STK32B: variants seen among roughly 807,000 people sequenced by gnomAD.
The protein encoded by STK32B is serine/threonine kinase 32B.
Under a neutral mutation model 52.6 loss-of-function variants are expected in STK32B, and 43 were observed. The observed-to-expected ratio is 0.82, with a 90% CI of 0.64 to 1.05. The LOEUF (loss-of-function observed/expected upper bound fraction) is 1.05. STK32B is among the 50% of genes least tolerant of loss of function. STK32B has a pLI of 0.00. For synonymous variants in STK32B, 238 were observed against 204.3 expected, an observed-to-expected ratio of 1.17 and a Z score of -1.41; for missense variants, 621 against 534.6, an observed-to-expected ratio of 1.16 and a Z score of -1.59.
chr4:5,080,600 A>G (rs554043571), intron 1 of STK32B, among the ~76,000 whole-genome samples: 2 of 152,028 alleles, frequency 1.3e-5, no homozygotes, highest in South Asian at 2.1e-4. Flanking sequence ...GTCATTTACA[A>G]CCCCACTAAA....
chr4:5,092,718 C>A (rs967606078), intron 1 of STK32B, among the ~76,000 whole-genome samples: 2 of 152,004 alleles, frequency 1.3e-5, no homozygotes, highest in African/African-American at 4.8e-5. Context: ...TTTTAAATGA[C>A]CCGATCTCGT....
chr4:5,078,673 G>A (rs953179923), intron 1 of STK32B, among the ~76,000 whole-genome samples: 2 of 152,056 alleles, frequency 1.3e-5, no homozygotes, highest in African/African-American at 4.8e-5. Context: ...AGAATTTTGG[G>A]GACTGATGGA....
At chr4:5,320,849 G>A (rs1367815960) in intron 3 of STK32B, among the ~76,000 whole-genome samples, 3 of 152,198 alleles carry the variant, frequency 2.0e-5, no homozygotes, top group Non-Finnish European at 4.4e-5. Flanking sequence ...AATTTGGGTT[G>A]AAGAGTGATG....
rs774863629 is a variant in STK32B at position 5,346,275 on chromosome 4, C to T, written c.434+14882C>T. ...GTGATCAGGCTTCTGGTCCTAAGAC[C>T]TTTTTGACAAAGGCTCATCGCTCAT... On this transcript the variant is annotated intron_variant, in intron 4 of 11. Coordinates refer to ENST00000282908, the MANE Select transcript of STK32B (RefSeq NM_018401.3). Among the ~76,000 whole-genome samples, 5 of 152,130 alleles carry T rather than the reference C, an allele frequency of 3.3e-5. No homozygotes were observed. The East Asian group carries it at 5.8e-4, about 18-fold the overall frequency.
chr4:5,307,548 C>CTTTTTTT (rs558277345), intron 3 of STK32B, among the ~76,000 whole-genome samples: 1 of 137,388 alleles, frequency 7.3e-6, no homozygotes, highest in African/African-American at 2.6e-5. Context: ...TATGCTCTAT[C>CTTTTTTT]TTTTTTTTTT....
chr4:5,498,603 G>A (rs1204960534), intron 11 of STK32B, among the ~76,000 whole-genome samples: 1 of 152,172 alleles, frequency 6.6e-6, no homozygotes, highest in African/African-American at 2.4e-5. Context: ...CCGACTGTGA[G>A]CTTGGGAAAT....
intron 8 of STK32B, among the ~76,000 whole-genome samples, 167 bp downstream of exon 8, chr4:5,457,090 G>A (rs1280268016): frequency 6.6e-6 from 1 of 152,208 alleles, no homozygotes; most frequent in Non-Finnish European, 1.5e-5. Context: ...CTGTTATGGG[G>A]GTGCGTGCAG....
chr4:5,263,607 C>G (rs1426907284), intron 3 of STK32B, among the ~76,000 whole-genome samples: 1 of 152,174 alleles, frequency 6.6e-6, no homozygotes, highest in African/African-American at 2.4e-5. Flanking sequence ...AAAGCATGCC[C>G]TTGTGTTGGA....
chr4:5,275,575 C>T (rs563347297), intron 3 of STK32B, among the ~76,000 whole-genome samples: 18 of 151,896 alleles, frequency 1.2e-4, no homozygotes, highest in Admixed American at 3.9e-4. Flanking sequence ...CTTGCTAACT[C>T]CTGTTCGTGC....
At chr4:5,426,231 C>T (rs1713078009) in intron 6 of STK32B, among the ~76,000 whole-genome samples, 1 of 152,108 alleles carries the variant, frequency 6.6e-6, no homozygotes, top group South Asian at 2.1e-4. Flanking sequence ...GTTCTGTGTC[C>T]TTGCCAGTAC....
At chr4:5,252,632 A>G (rs1459407566) in intron 3 of STK32B, among the ~76,000 whole-genome samples, 1 of 152,162 alleles carries the variant, frequency 6.6e-6, no homozygotes, top group East Asian at 1.9e-4. Flanking sequence ...CTAGGCTGTC[A>G]TTGTCACTTA....
At chr4:5,056,106 A>G (rs1741995741) in intron 1 of STK32B, among the ~76,000 whole-genome samples, 1 of 152,152 alleles carries the variant, frequency 6.6e-6, no homozygotes, top group Non-Finnish European at 1.5e-5. Flanking sequence ...CAGCCGCATT[A>G]GGTTCTCATG....
At chr4:5,032,106 A>T in the STK32B span, among the ~76,000 whole-genome samples, 1 of 151,948 alleles carries the variant, frequency 6.6e-6, no homozygotes, top group East Asian at 1.9e-4. Flanking sequence ...ATATACAACG[A>T]TATATAGGTC....
intron 3 of STK32B, among the ~76,000 whole-genome samples, chr4:5,301,745 G>GTTT (rs139364155): frequency 0.012 from 1,488 of 121,100 alleles, 38 homozygotes; most frequent in African/African-American, 0.049. Context: ...AGTTCCATTA[G>GTTT]CTTTTTTTTT....
At chr4:5,422,510 G>A (rs1712729207) in intron 6 of STK32B, among the ~76,000 whole-genome samples, 1 of 152,120 alleles carries the variant, frequency 6.6e-6, no homozygotes, top group East Asian at 1.9e-4. Flanking sequence ...GATGGAATTT[G>A]CAATTGGAGA....
intron 3 of STK32B, among the ~76,000 whole-genome samples, chr4:5,260,962 G>A (rs369643452): frequency 2.6e-5 from 4 of 152,094 alleles, no homozygotes; most frequent in Non-Finnish European, 5.9e-5. Flanking sequence ...GAGTTGAGGT[G>A]AGAGGGCCAG....
chr4:5,321,031 G>GA (rs1471080704), intron 3 of STK32B, among the ~76,000 whole-genome samples: 1 of 152,106 alleles, frequency 6.6e-6, no homozygotes, highest in Non-Finnish European at 1.5e-5. Flanking sequence ...TAGTTGAAGG[G>GA]AAGGGTCTTT....
intron 6 of STK32B, among the ~76,000 whole-genome samples, chr4:5,439,823 G>A (rs970332396): frequency 9.9e-5 from 15 of 151,410 alleles, no homozygotes; most frequent in Non-Finnish European, 1.5e-5. Flanking sequence ...TCTCCATATG[G>A]CTAGCCAGTT....
Position 5,243,674 on chromosome 4 carries a change from C to G in STK32B, c.260+75224C>G, listed in dbSNP as rs556584538. On this transcript the variant is annotated intron_variant, in intron 3 of 11. Transcript: ENST00000282908. ...CTTGTGCCAGTTTTCAAAGGGAATG[C>G]TTCCAGTTTTTGTCCATTCAGTATG... is the stretch of plus-strand genomic sequence containing the variant. 6.6e-5 allele frequency among the ~76,000 whole-genome samples: 10 copies of G among 152,292 alleles called. No homozygotes were observed. In the South Asian group the frequency reaches 1.7e-3, roughly 25 times the overall value.
Sources: gnomAD v4.1 joint callset for allele counts (sites outside exome capture counted in the v4.1 genomes callset) on GRCh38, gnomAD v4.1.1 for gene constraint, MANE v1.5 for transcripts, NCBI Gene and HGNC (gene_info 2026-07-23, HGNC 2026-07-21) for gene names.